Variants in LRRC20 observed in about 807,000 individuals in gnomAD.
LRRC20 encodes the protein leucine rich repeat containing 20, also known as leucine-rich repeat-containing protein 20.
In LRRC20, 11 loss-of-function variants were observed where a neutral mutation model predicts 14.4. That is an observed-to-expected ratio of 0.77 (90% CI 0.48 to 1.27). LRRC20 has a LOEUF of 1.27. Among genes scored for constraint, LRRC20 ranks in the 50% most tolerant of loss-of-function variants. The pLI is 0.00. For missense variants in LRRC20, 219 were observed against 251.2 expected, an observed-to-expected ratio of 0.87 and a Z score of 0.87; for synonymous variants, 121 against 107.3, an observed-to-expected ratio of 1.13 and a Z score of -0.79.
At chr10:70,331,105 T>C (rs1589075583) in intron 3 of LRRC20, among the ~76,000 whole-genome samples, 1 of 152,196 alleles carries the variant, frequency 6.6e-6, no homozygotes, top group African/African-American at 2.4e-5. Context: ...AAATTCCTTG[T>C]GGAGAGAGAT....
chr10:70,300,452 C>G lies in LRRC20; in HGVS notation c.*902G>C, dbSNP rs1025322404. Reference sequence around the variant, plus strand: ...TGGCTACAAATCCCGTGGTCCACATCGCCTTCTGCCCCCAGGAGGCCATGA... The same window carrying G: ...TGGCTACAAATCCCGTGGTCCACATGGCCTTCTGCCCCCAGGAGGCCATGA... On this transcript the variant is annotated 3_prime_UTR_variant, in exon 5 of 5. Transcript: ENST00000446961. The G allele has an allele frequency of 3.7e-5, 36 of 985,554 alleles. No individual in the cohort carries two copies. Among genetic ancestry groups the G allele is most frequent in the South Asian group, 4.7e-5 (1 of 21,290 alleles). The allele number at this position is 985,554 out of a possible 1,614,324, so 61.1% of individuals were successfully genotyped here. A position where few individuals can be genotyped will look rare whatever the true frequency, so the allele number is the denominator to read the frequency against.
At chr10:70,310,835 T>C (rs1841627006) in intron 4 of LRRC20, among the ~76,000 whole-genome samples, 2 of 152,220 alleles carry the variant, frequency 1.3e-5, no homozygotes, top group African/African-American at 4.8e-5. Context: ...CAGGCCTCTG[T>C]GGACCAACGC....
chr10:70,343,300 A>G (rs571172027), intron 2 of LRRC20, among the ~76,000 whole-genome samples: 3 of 152,316 alleles, frequency 2.0e-5, no homozygotes, highest in African/African-American at 7.2e-5. Context: ...CAGCAGACTC[A>G]TGGGTAAGGC....
rs930237026 is a variant in LRRC20, at chr10:70,304,186, C to T, written c.401-2678G>A. On this transcript the variant is annotated intron_variant, in intron 4 of 4. Transcript: ENST00000446961. Reference sequence around the variant, plus strand: ...AGCTGAGGCTCTGGCTGCATCCGCTCTTCCCCGATCCAATTCCGTGAGCAG... The same window carrying T: ...AGCTGAGGCTCTGGCTGCATCCGCTTTTCCCCGATCCAATTCCGTGAGCAG... 3.9e-5 allele frequency among the ~76,000 whole-genome samples: 6 copies of T among 152,154 alleles called. 1 individual carries two copies. In the South Asian group the frequency reaches 1.2e-3, roughly 32 times the overall value.
intron 2 of LRRC20, among the ~76,000 whole-genome samples, chr10:70,357,550 T>C (rs1178517560): frequency 1.3e-5 from 2 of 152,164 alleles, no homozygotes; most frequent in African/African-American, 2.4e-5. Context: ...GTGCTTCAGC[T>C]CTGTCATCCC....
intron 2 of LRRC20, among the ~76,000 whole-genome samples, chr10:70,341,566 G>A (rs567481796): frequency 3.9e-5 from 6 of 152,134 alleles, no homozygotes; most frequent in Non-Finnish European, 8.8e-5. Context: ...CCAGGAGTTC[G>A]AGACCAGCCT....
At position 70,301,220 on chromosome 10, in the gene LRRC20, C is replaced by T. The variant is rs1841164667; in HGVS notation, c.*134G>A. 20 of 1,442,826 alleles carry T rather than the reference C, an allele frequency of 1.4e-5. No homozygotes were observed. Among genetic ancestry groups the T allele is most frequent in the Non-Finnish European group, 1.8e-5 (20 of 1,103,044 alleles). 89.4% of individuals were successfully genotyped at this position (1,442,826 alleles called of 1,614,324 possible). Reference sequence around the variant, plus strand: ...GTAAGCTATCTATCCAGACCAGCTGCACCCCACCCACCACGTGCTGCTCGG... The same window carrying T: ...GTAAGCTATCTATCCAGACCAGCTGTACCCCACCCACCACGTGCTGCTCGG... On this transcript the variant is annotated 3_prime_UTR_variant, in exon 5 of 5. Transcript: ENST00000446961.
At chr10:70,334,406 C>T (rs977988702) in intron 3 of LRRC20, among the ~76,000 whole-genome samples, 4 of 152,166 alleles carry the variant, frequency 2.6e-5, no homozygotes, top group African/African-American at 7.2e-5. Context: ...ACCCCAACAG[C>T]CTTTCTGAGG....
intron 2 of LRRC20, among the ~76,000 whole-genome samples, chr10:70,347,359 G>A (rs985276066): frequency 1.2e-4 from 19 of 152,206 alleles, no homozygotes; most frequent in Admixed American, 5.2e-4. Context: ...AACGGAGGAA[G>A]AAGCCATAAA....
At chr10:70,368,130 T>C (rs974779544) in intron 2 of LRRC20, among the ~76,000 whole-genome samples, 2 of 147,996 alleles carry the variant, frequency 1.4e-5, no homozygotes, top group African/African-American at 2.5e-5. Context: ...ACTACAGGCA[T>C]GCATCACCAT....
intron 2 of LRRC20, among the ~76,000 whole-genome samples, chr10:70,344,529 A>T (rs1450418197): frequency 3.0e-5 from 4 of 134,684 alleles, no homozygotes; most frequent in African/African-American, 1.5e-4. Context: ...TGACCAATAT[A>T]AAAAAAAAGT....
intron 4 of LRRC20, 67 bp downstream of exon 4, chr10:70,323,796 C>T: frequency 6.4e-7 from 1 of 1,566,974 alleles, no homozygotes; most frequent in Non-Finnish European, 8.7e-7. Context: ...AAGGTCGACT[C>T]CAGAGTCCTG....
chr10:70,325,921 T>C (rs1319918273), intron 3 of LRRC20, among the ~76,000 whole-genome samples: 2 of 152,070 alleles, frequency 1.3e-5, no homozygotes, highest in Non-Finnish European at 2.9e-5. Context: ...CTACACATGA[T>C]TTTAATGCTC....
At chr10:70,368,157 CTTT>C (rs373588441) in intron 2 of LRRC20, among the ~76,000 whole-genome samples, 2 of 102,810 alleles carry the variant, frequency 1.9e-5, no homozygotes, top group Non-Finnish European at 3.5e-5. Context: ...CTAATTTTTG[CTTT>C]TTTTTTTTTT....
chr10:70,364,731 A>C (rs1843903605), intron 2 of LRRC20, among the ~76,000 whole-genome samples: 1 of 152,222 alleles, frequency 6.6e-6, no homozygotes. Context: ...GCCAAAGCGC[A>C]GGTGGGCCCG....
intron 2 of LRRC20, among the ~76,000 whole-genome samples, chr10:70,347,961 G>A (rs1404714502): frequency 1.3e-5 from 2 of 152,236 alleles, no homozygotes; most frequent in African/African-American, 4.8e-5. Flanking sequence ...TCCGACACCT[G>A]CTTCTTTCTT....
At chr10:70,334,228 A>T (rs1842638435) in intron 3 of LRRC20, among the ~76,000 whole-genome samples, 1 of 151,706 alleles carries the variant, frequency 6.6e-6, no homozygotes, top group East Asian at 1.9e-4. Flanking sequence ...TAAGCATCCC[A>T]TTGACCGCAC....
At position 70,303,060 on chromosome 10, in the gene LRRC20, A is replaced by G. The variant is rs1470548506; in HGVS notation, c.401-1552T>C. 3.9e-5 allele frequency among the ~76,000 whole-genome samples: 6 copies of G among 152,242 alleles called. No homozygotes were observed. The South Asian group carries it at 8.3e-4, about 21-fold the overall frequency. On this transcript the variant is annotated intron_variant, in intron 4 of 4. Transcript: ENST00000446961. ...AGGTTAAAATGGCACATTTTGTTAT[A>G]TATATTTTATCACAATTAAAAAATA...
At chr10:70,316,425 GC>G (rs773434872) in intron 4 of LRRC20, among the ~76,000 whole-genome samples, 4 of 152,214 alleles carry the variant, frequency 2.6e-5, no homozygotes, top group Non-Finnish European at 4.4e-5. Context: ...GAGCCACCGC[GC>G]CCGGCCCTTT....
Sources: gnomAD v4.1 joint callset for allele counts (sites outside exome capture counted in the v4.1 genomes callset) on GRCh38, gnomAD v4.1.1 for gene constraint, MANE v1.5 for transcripts, NCBI Gene and HGNC (gene_info 2026-07-23, HGNC 2026-07-21) for gene names.